FBXL12: variants seen among roughly 807,000 people sequenced by gnomAD.
FBXL12 encodes the protein F-box/LRR-repeat protein 12.
In FBXL12, 22 loss-of-function variants were observed where a neutral mutation model predicts 24.9. The observed-to-expected ratio is 0.88, with a 90% CI of 0.63 to 1.26. The LOEUF (loss-of-function observed/expected upper bound fraction) is 1.26, where lower values mean the gene tolerates loss of function less well. FBXL12 is among the 50% of genes most tolerant of loss of function. The pLI is 0.00. For missense variants in FBXL12, 384 were observed against 434.1 expected (o/e 0.88, Z 1.03); for synonymous variants, 193 against 193.8 (o/e 1.00, Z 0.03).
intron 2 of FBXL12, among the ~76,000 whole-genome samples, chr19:9,817,927 T>C (rs77061994): frequency 6.6e-6 from 1 of 152,326 alleles, no homozygotes; most frequent in East Asian, 1.9e-4. Context: ...TCTATAAATG[T>C]TTTGAGCCAG....
chr19:9,810,682 G>T lies in FBXL12; in HGVS notation c.*214C>A, dbSNP rs1234649250. ...ATGATCATCCTTATTTCCAGATGTGGGAACTAGGCTTCCCAGAGGCTGATG... is the reference window on the plus strand; with the variant it reads ...ATGATCATCCTTATTTCCAGATGTGTGAACTAGGCTTCCCAGAGGCTGATG... On this transcript the variant is annotated 3_prime_UTR_variant, in exon 3 of 3. Transcript: ENST00000247977. 1 of 452,014 alleles carries T rather than the reference G, an allele frequency of 2.2e-6. No individual in the cohort carries two copies. The highest frequency in any genetic ancestry group is 3.9e-6 in the Non-Finnish European group (1 of 253,532). 28.0% of individuals were successfully genotyped at this position (452,014 alleles called of 1,614,324 possible). A position where few individuals can be genotyped will look rare whatever the true frequency, so the allele number is the denominator to read the frequency against.
chr19:9,817,909 C>T (rs2045915902), intron 2 of FBXL12, among the ~76,000 whole-genome samples: 1 of 152,160 alleles, frequency 6.6e-6, no homozygotes, highest in Non-Finnish European at 1.5e-5. Flanking sequence ...AAAAGGGCAA[C>T]AAATATATCT....
intron 2 of FBXL12, chr19:9,813,502 A>ATT (rs1298019169): frequency 1.6e-3 from 239 of 153,442 alleles, no homozygotes; most frequent in Middle Eastern, 9.5e-3. Flanking sequence ...TGCCCGGCTA[A>ATT]TTTTTTTTTT....
rs201221098 is a variant in FBXL12 at position 9,811,213 on chromosome 19, C to T, written c.664G>A (p.Ala222Thr). The T allele has an allele frequency of 2.1e-4, 338 of 1,613,324 alleles. No individual in the cohort carries two copies. The highest frequency in any genetic ancestry group is 2.6e-4 in the Non-Finnish European group (311 of 1,179,750). Reference protein sequence around the residue: ...CTLSADSTLLAISRHLRDVRK... With the variant: ...CTLSADSTLLTISRHLRDVRK... ...ACATCTCGGAGGTGGCGGCTGATGG[C>T]CAGCAGGGTGCTGTCGGCAGACAGG... Residue 222 changes from alanine (A) to threonine (T), a missense_variant, in exon 3 of 3, where the codon GCC becomes ACC. Physicochemically the swap from Ala to Thr is moderately conservative, Grantham distance 58 (BLOSUM62 0). Coordinates refer to ENST00000247977, the MANE Select transcript of FBXL12 (RefSeq NM_017703.3). This position sits in a 1 kb window ranked among gnomAD's most constrained non-coding sequence, Gnocchi z 6.0.
At chr19:9,818,192 ACT>A (rs1275458579) in intron 2 of FBXL12, 4 of 429,172 alleles carry the variant, frequency 9.3e-6, no homozygotes, top group Middle Eastern at 5.9e-4. Flanking sequence ...GCAGAGCGAG[ACT>A]CTGTCTCAAA....
At chr19:9,813,205 TAAAAA>T in intron 2 of FBXL12, 1 of 1,223,036 alleles carries the variant, frequency 8.2e-7, no homozygotes, top group South Asian at 4.1e-5. Context: ...CAGTTTATCT[TAAAAA>T]GAAAAAGTTA....
chr19:9,818,541 G>T lies in FBXL12; in HGVS notation c.159+4C>A, dbSNP rs767334553. 161 of 1,545,198 alleles carry T rather than the reference G, an allele frequency of 1.0e-4. No individual in the cohort carries two copies. The Admixed American group carries it at 3.1e-3, about 29-fold the overall frequency. ...CCCAGGCCCGCCCGGCCAGCTGCGCGTACCGTGTAGAGCGTCAGGTCGACA... is the reference window on the plus strand; with the variant it reads ...CCCAGGCCCGCCCGGCCAGCTGCGCTTACCGTGTAGAGCGTCAGGTCGACA... On this transcript the variant is annotated splice_donor_region_variant and intron_variant, in intron 2 of 2. Coordinates refer to ENST00000247977, the MANE Select transcript of FBXL12 (RefSeq NM_017703.3).
At chr19:9,818,084 C>T (rs1366118042) in intron 2 of FBXL12, 5 of 373,872 alleles carry the variant, frequency 1.3e-5, no homozygotes, top group Non-Finnish European at 2.4e-5. Flanking sequence ...TAGTGGCGAG[C>T]GCCCGTGGTT....
chr19:9,815,603 A>C (rs2045863475), intron 2 of FBXL12, among the ~76,000 whole-genome samples: 1 of 151,478 alleles, frequency 6.6e-6, no homozygotes. Context: ...CTGGACATCC[A>C]GGCATTTCCA....
chr19:9,817,259 G>A (rs752990977), intron 2 of FBXL12, among the ~76,000 whole-genome samples: 2 of 152,188 alleles, frequency 1.3e-5, no homozygotes, highest in Non-Finnish European at 2.9e-5. Context: ...TTTTGCCACT[G>A]CCTGGGTGAC....
At chr19:9,813,346 C>CT (rs925269012) in intron 2 of FBXL12, 1,237 of 998,404 alleles carry the variant, frequency 1.2e-3, no homozygotes, top group South Asian at 2.0e-3. Flanking sequence ...CTTTTCTTTT[C>CT]TTTTTTTTTG....
intron 2 of FBXL12, among the ~76,000 whole-genome samples, chr19:9,816,457 T>C (rs547318660): frequency 1.6e-4 from 25 of 152,330 alleles, no homozygotes; most frequent in African/African-American, 5.1e-4. Context: ...AAAACATCTT[T>C]CTCAAGTTCA....
In FBXL12 at chr19:9,810,899, C is replaced by T. The variant is rs77998056; in HGVS notation, c.978G>A (p.Met326Ile). 3,919 of 1,576,062 alleles carry T rather than the reference C, an allele frequency of 2.5e-3. 134 individuals carry two copies. The East Asian group carries it at 0.07, about 28-fold the overall frequency. ...GTCCCAAGGGCAGGTGGAGTAGTTA[C>T]ATCCACCAGTCCATAGACTCTTTGG... is the stretch of plus-strand genomic sequence containing the variant. ...ACPKESMDWW[M>I] Residue 326 changes from methionine to isoleucine, a missense_variant, in exon 3 of 3, where the codon ATG (methionine) becomes ATA (isoleucine). By Grantham distance (10) the Met-to-Ile change is conservative. Transcript: ENST00000247977.
rs376602027 is a variant in FBXL12, at chr19:9,811,004, C to T, written c.873G>A (p.Gly291=). 4 of 1,613,596 alleles carry T rather than the reference C, an allele frequency of 2.5e-6. No individual in the cohort carries two copies. In the South Asian group the frequency reaches 3.3e-5, roughly 13 times the overall value. Residue 291 remains glycine, a synonymous_variant, in exon 3 of 3, where the codon GGG becomes GGA. Coordinates refer to ENST00000247977, the MANE Select transcript of FBXL12 (RefSeq NM_017703.3). This position sits in a 1 kb window ranked among gnomAD's most constrained non-coding sequence, Gnocchi z 6.0. The part of the protein sequence containing the change: ...MPKLRVLELQ[G]LGWEGQEAEK... ...CCGCCTCCTGACCCTCCCACCCCAG[C>T]CCCTGCAGCTCAAGGACTCTGAGCT...
At chr19:9,818,655 C>T (rs2145385343) in intron 1 of FBXL12, 38 bp from the exon 2 acceptor site, 2 of 1,547,874 alleles carry the variant, frequency 1.3e-6, no homozygotes, top group Non-Finnish European at 1.7e-6. Context: ...GACCCCAGCC[C>T]CGGGCCACAT....
In FBXL12 at chr19:9,811,373, G is replaced by A. The variant is rs1055087381; in HGVS notation, c.504C>T (p.His168=). Residue 168 remains histidine (H), a synonymous_variant, in exon 3 of 3, where the codon CAC becomes CAT. Coordinates refer to ENST00000247977, the MANE Select transcript of FBXL12 (RefSeq NM_017703.3). This position sits in a 1 kb window ranked among gnomAD's most constrained non-coding sequence, Gnocchi z 6.0. ...CCCGGAAGCGCGTCAGGCCCTGCAG[G>A]TGCTCGTCACGGAAGGCGGGGACGC... ...LDRVPAFRDE[H]LQGLTRFRAL... is the part of the protein sequence containing the mutation. The A allele has an allele frequency of 6.2e-7, 1 of 1,612,284 alleles. No individual in the cohort carries two copies. Among genetic ancestry groups the A allele is most frequent in the South Asian group, 1.1e-5 (1 of 91,074 alleles).
intron 2 of FBXL12, among the ~76,000 whole-genome samples, chr19:9,812,135 C>T (rs1402742914): frequency 6.6e-6 from 1 of 151,994 alleles, no homozygotes; most frequent in Non-Finnish European, 1.5e-5. Context: ...GCTATGTTGC[C>T]CAGGCTGGTC....
rs1433853957 is a variant in FBXL12 at position 9,818,636 on chromosome 19, G to T, written c.87-19C>A. The stretch of plus-strand genomic sequence containing the variant: ...ACAGACCCTGGGGGAGGGGACGCGC[G>T]GTTAGAACGACCCCAGCCCCGGGCC... On this transcript the variant is annotated intron_variant, in intron 1 of 2. Transcript: ENST00000247977. The T allele has an allele frequency of 3.2e-6, 5 of 1,551,730 alleles. No homozygotes were observed. Among genetic ancestry groups the T allele is most frequent in the South Asian group, 1.2e-5 (1 of 84,270 alleles).
At chr19:9,813,271 G>C in intron 2 of FBXL12, 2 of 1,230,582 alleles carry the variant, frequency 1.6e-6, no homozygotes, top group Middle Eastern at 3.1e-4. Flanking sequence ...TGGCATCATA[G>C]GGCCTAATGG....
Sources: gnomAD v4.1 joint callset for allele counts (sites outside exome capture counted in the v4.1 genomes callset) on GRCh38, gnomAD v4.1.1 for gene constraint, Gnocchi (gnomAD v3.1) non-coding constraint, MANE v1.5 for transcripts, NCBI Gene and HGNC (gene_info 2026-07-23, HGNC 2026-07-21) for gene names.